DSTN: variants seen among roughly 807,000 people sequenced by gnomAD.
DSTN encodes destrin, actin depolymerizing factor, also known as destrin.
DSTN carries 10 observed loss-of-function variants against 16.8 expected under a neutral mutation model. That is an observed-to-expected ratio of 0.60 (90% CI 0.37 to 1.01). DSTN has a LOEUF of 1.01. Ranked by LOEUF, DSTN falls within the 50% of genes least tolerant of loss-of-function variation. The pLI, the probability that DSTN is intolerant of heterozygous loss-of-function variation, is 0.01. For synonymous variants in DSTN, 57 were observed against 58.9 expected, an observed-to-expected ratio of 0.97 and a Z score of 0.14; for missense variants, 141 against 196.7, an observed-to-expected ratio of 0.72 and a Z score of 1.69.
At chr20:17,578,246 C>G (rs1391898564) in intron 1 of DSTN, among the ~76,000 whole-genome samples, 1 of 152,272 alleles carries the variant, frequency 6.6e-6, no homozygotes, top group East Asian at 1.9e-4. Flanking sequence ...AGCAAGATAC[C>G]ACTCTCATAG....
chr20:17,605,677 A>G (rs760925339), intron 3 of DSTN, among the ~76,000 whole-genome samples: 17 of 152,172 alleles, frequency 1.1e-4, no homozygotes, highest in Non-Finnish European at 1.5e-4. Context: ...GCTAACTGAC[A>G]CTTTTAAATC....
chr20:17,581,803 A>G lies in DSTN; in HGVS notation c.3+11592A>G, dbSNP rs147582510. Among the ~76,000 whole-genome samples the G allele has an allele frequency of 1.3e-3, 196 of 152,346 alleles. 3 individuals carry two copies. Among genetic ancestry groups the G allele is most frequent in the African/African-American group, 4.4e-3 (181 of 41,586 alleles). ...TTTGAGGAATAAAAAAATTGATTCA[A>G]AAGTTTTATAAATCTTTAAAATACC... On this transcript the variant is annotated intron_variant, in intron 1 of 3. Transcript: ENST00000246069.
rs900315877 is a variant in DSTN, at chr20:17,608,841, T to C, written c.*1695T>C. 7 of 152,196 alleles carry C rather than the reference T, an allele frequency of 4.6e-5. No individual in the cohort carries two copies. Among genetic ancestry groups the C allele is most frequent in the African/African-American group, 1.4e-4 (6 of 41,438 alleles). 9.4% of individuals were successfully genotyped at this position (152,196 alleles called of 1,614,324 possible). A position where few individuals can be genotyped will look rare whatever the true frequency, so the allele number is the denominator to read the frequency against. On this transcript the variant is annotated 3_prime_UTR_variant, in exon 4 of 4. Coordinates refer to ENST00000246069, the MANE Select transcript of DSTN (RefSeq NM_006870.4). ...TGATACACAGCTGTGCATTATTACA[T>C]GTCAAAGACTGCATATACTATGGTG... is the stretch of plus-strand genomic sequence containing the variant.
Position 17,583,356 on chromosome 20 carries a change from A to G in DSTN, c.3+13145A>G, listed in dbSNP as rs144805547. Among the ~76,000 whole-genome samples the G allele has an allele frequency of 3.7e-3, 566 of 152,334 alleles. 2 individuals are homozygous for G. Among genetic ancestry groups the G allele is most frequent in the Admixed American group, 7.0e-3 (107 of 15,300 alleles). ...ACTCCTACCTACATATCCAAGCAAA[A>G]TGAAAATGTATGTCCACACAAAAAC... On this transcript the variant is annotated intron_variant, in intron 1 of 3. Coordinates refer to ENST00000246069, the MANE Select transcript of DSTN (RefSeq NM_006870.4).
chr20:17,587,018 A>AAT (rs751670400), intron 1 of DSTN, among the ~76,000 whole-genome samples: 10 of 151,512 alleles, frequency 6.6e-5, no homozygotes, highest in East Asian at 3.9e-4. Context: ...CCAGTTTAAA[A>AAT]ATATATATAT....
At chr20:17,576,684 A>G (rs2035282445) in intron 1 of DSTN, among the ~76,000 whole-genome samples, 1 of 152,224 alleles carries the variant, frequency 6.6e-6, no homozygotes, top group Non-Finnish European at 1.5e-5. Flanking sequence ...CTGGAAGGTC[A>G]TTTGTCATTG....
Position 17,600,858 on chromosome 20 carries a change from G to A in DSTN, c.124G>A (p.Ala42Thr). 1.2e-6 allele frequency: 2 copies of A among 1,613,820 alleles called. No homozygotes were observed. The highest frequency in any genetic ancestry group is 1.7e-6 in the Non-Finnish European group (2 of 1,179,794). Residue 42 changes from alanine (A) to threonine (T), a missense_variant, in exon 2 of 4, where the codon GCA (alanine) becomes ACA (threonine). Transcript: ENST00000246069. Reference sequence around the variant, plus strand: ...GAAGGCTGTCATTTTTTGTCTCAGTGCAGACAAAAAGTGCATCATTGTAGA... The same window carrying A: ...GAAGGCTGTCATTTTTTGTCTCAGTACAGACAAAAAGTGCATCATTGTAGA... ...RKKAVIFCLSADKKCIIVEEG... is the reference protein window; with the variant it reads ...RKKAVIFCLSTDKKCIIVEEG...
rs1163168682 is a variant in DSTN, at chr20:17,600,796, G to A, written c.62G>A (p.Arg21His). 4.3e-6 allele frequency: 7 copies of A among 1,613,544 alleles called. No homozygotes were observed. The highest frequency in any genetic ancestry group is 1.3e-5 in the African/African-American group (1 of 74,970). The change falls in exon 2 of 4, where the codon CGT becomes CAT. Residue 21 changes from arginine (R) to histidine (H), a missense_variant. Physicochemically the swap from Arg to His is conservative, Grantham distance 29 (BLOSUM62 0). Transcript: ENST00000246069. ...VCRIFYDMKV[R>H]KCSTPEEIKK... Reference sequence around the variant, plus strand: ...CGCATTTTTTATGACATGAAAGTTCGTAAATGCTCCACACCAGAAGAAATC... The same window carrying A: ...CGCATTTTTTATGACATGAAAGTTCATAAATGCTCCACACCAGAAGAAATC...
chr20:17,573,331 CA>C (rs2035229210), intron 1 of DSTN, among the ~76,000 whole-genome samples: 1 of 151,502 alleles, frequency 6.6e-6, no homozygotes, highest in Admixed American at 6.6e-5. Context: ...TTTTTTTTCC[CA>C]GGGGAGGGCA....
chr20:17,592,176 A>AAAAT, intron 1 of DSTN: 1 of 910,536 alleles, frequency 1.1e-6, no homozygotes, highest in Non-Finnish European at 1.3e-6. Context: ...CTGTAATCCC[A>AAAAT]GCATTTTGGG....
intron 1 of DSTN, among the ~76,000 whole-genome samples, chr20:17,579,792 G>A (rs2035323083): frequency 1.3e-5 from 2 of 152,196 alleles, no homozygotes; most frequent in Non-Finnish European, 1.5e-5. Context: ...TCAAGGGCCA[G>A]CTCTAGGAAG....
intron 1 of DSTN, among the ~76,000 whole-genome samples, chr20:17,583,404 T>G (rs528020501): frequency 8.7e-4 from 132 of 152,314 alleles, no homozygotes; most frequent in African/African-American, 3.1e-3. Context: ...GTGCATAGCA[T>G]TATTATTCAT....
intron 1 of DSTN, among the ~76,000 whole-genome samples, chr20:17,574,579 A>C (rs1568728722): frequency 6.6e-6 from 1 of 152,018 alleles, no homozygotes; most frequent in Non-Finnish European, 1.5e-5. Flanking sequence ...AAAAGTCTAT[A>C]GCTGGGCGTG....
intron 1 of DSTN, among the ~76,000 whole-genome samples, chr20:17,574,511 T>C (rs6080742): frequency 0.027 from 4,103 of 152,200 alleles, 69 homozygotes; most frequent in South Asian, 0.036. Context: ...AGTAGATATA[T>C]GGGAACAATG....
At chr20:17,571,108 A>G (rs1222084182) in intron 1 of DSTN, among the ~76,000 whole-genome samples, 1 of 152,174 alleles carries the variant, frequency 6.6e-6, no homozygotes, top group Non-Finnish European at 1.5e-5. Flanking sequence ...TAATTTACAT[A>G]TTTTCCCCCT....
At chr20:17,605,924 G>GA (rs1181941393) in intron 3 of DSTN, among the ~76,000 whole-genome samples, 2 of 151,112 alleles carry the variant, frequency 1.3e-5, no homozygotes, top group East Asian at 3.9e-4. Context: ...CCAACATGGT[G>GA]AAACCCTGTC....
chr20:17,595,161 C>G (rs1209260625), intron 1 of DSTN, among the ~76,000 whole-genome samples: 1 of 152,154 alleles, frequency 6.6e-6, no homozygotes, highest in Non-Finnish European at 1.5e-5. Context: ...CACCCTCACC[C>G]CTTGACCTCA....
chr20:17,585,933 G>A (rs1000808552), intron 1 of DSTN, among the ~76,000 whole-genome samples: 16 of 152,094 alleles, frequency 1.1e-4, no homozygotes, highest in African/African-American at 3.4e-4. Context: ...CCCCAGTGGA[G>A]AGGTATATTT....
Position 17,609,628 on chromosome 20 carries a change from C to T in DSTN, c.*2482C>T, listed in dbSNP as rs2035678029. ...ATTGAATAAAATGCTAGTAGTTAGT[C>T]TCTAGGGGAACTTTTGAGAAAGTCT... On this transcript the variant is annotated 3_prime_UTR_variant, in exon 4 of 4. Transcript: ENST00000246069. 1 of 152,176 alleles carries T rather than the reference C, an allele frequency of 6.6e-6. No individual in the cohort carries two copies. Among genetic ancestry groups the T allele is most frequent in the Admixed American group, 6.5e-5 (1 of 15,278 alleles). The allele number at this position is 152,176 out of a possible 1,614,324, so 9.4% of individuals were successfully genotyped here.
Sources: allele counts gnomAD v4.1 joint callset (sites outside exome capture counted in the v4.1 genomes callset), GRCh38; gene constraint gnomAD v4.1.1; transcripts MANE v1.5; gene names NCBI Gene and HGNC (gene_info 2026-07-23, HGNC 2026-07-21).